Variants in GSTT4 observed in about 807,000 individuals in gnomAD.
GSTT4 encodes glutathione S-transferase theta-4.
At chr22:24,001,505 G>C (rs1310565151) in intron 2 of GSTT4, among the ~76,000 whole-genome samples, 180 bp from the exon 3 acceptor site, 1 of 152,404 alleles carries the variant, frequency 6.6e-6, no homozygotes, top group East Asian at 1.9e-4. Flanking sequence ...CTGGGAAGGA[G>C]CCCTGCGGGG....
chr22:24,002,228 T>C (rs1348281581), intron 2 of GSTT4, among the ~76,000 whole-genome samples: 1 of 152,224 alleles, frequency 6.6e-6, no homozygotes, highest in African/African-American at 2.4e-5. Context: ...AGGATCCATC[T>C]CTCTGGTGCT....
At chr22:24,003,560 T>C (rs2034283862) in intron 2 of GSTT4, among the ~76,000 whole-genome samples, 200 bp downstream of exon 2, 1 of 152,264 alleles carries the variant, frequency 6.6e-6, no homozygotes, top group South Asian at 2.1e-4. Flanking sequence ...GGAATAGAAA[T>C]GATGTAAACT....
intron 4 of GSTT4, among the ~76,000 whole-genome samples, 188 bp from the exon 5 acceptor site, chr22:23,998,927 C>A (rs1485344258): frequency 1.3e-5 from 2 of 152,260 alleles, no homozygotes; most frequent in Admixed American, 1.3e-4. Context: ...GATCCAGAAT[C>A]CCTCAGAGTC....
chr22:23,995,548 C>G, downstream of GSTT4, among the ~76,000 whole-genome samples: 1 of 152,160 alleles, frequency 6.6e-6, no homozygotes, highest in Non-Finnish European at 1.5e-5. Flanking sequence ...ACATTTCTTC[C>G]ATGGATTGTT....
the GSTT4 span, among the ~76,000 whole-genome samples, chr22:23,991,044 G>A: frequency 1.0e-5 from 1 of 95,568 alleles, no homozygotes; most frequent in Non-Finnish European, 2.5e-5. Flanking sequence ...CAGGCATGTC[G>A]GTGGGCACCT....
At chr22:24,000,728 A>G (rs117305386) in intron 3 of GSTT4, among the ~76,000 whole-genome samples, 2,723 of 126,204 alleles carry the variant, frequency 0.022, 38 homozygotes, top group East Asian at 0.089. Flanking sequence ...CCAGCTAATA[A>G]TTTTGTATTT....
intron 1 of GSTT4, chr22:24,004,400 C>T (rs955129150): frequency 6.5e-6 from 1 of 152,872 alleles, no homozygotes; most frequent in Non-Finnish European, 1.5e-5. Context: ...GCTCCACTCG[C>T]AGCCCGTTCA....
At chr22:24,002,057 A>G (rs1305836525) in intron 2 of GSTT4, among the ~76,000 whole-genome samples, 1 of 152,278 alleles carries the variant, frequency 6.6e-6, no homozygotes, top group Non-Finnish European at 1.5e-5. Context: ...AATCTGAAGA[A>G]AAGAGAGTAG....
At chr22:23,993,203 G>A in the GSTT4 span, among the ~76,000 whole-genome samples, 1 of 152,136 alleles carries the variant, frequency 6.6e-6, no homozygotes, top group Non-Finnish European at 1.5e-5. Context: ...TTCTAGTTGA[G>A]GTCTTCTTGT....
At chr22:24,002,438 A>G (rs987563865) in intron 2 of GSTT4, among the ~76,000 whole-genome samples, 42 of 152,274 alleles carry the variant, frequency 2.8e-4, no homozygotes, top group Non-Finnish European at 4.4e-4. Context: ...GGGCTCCTTT[A>G]TCATCACCAG....
chr22:23,999,898 C>T (rs1369575392), intron 4 of GSTT4, among the ~76,000 whole-genome samples, 177 bp downstream of exon 4: 7 of 152,210 alleles, frequency 4.6e-5, no homozygotes, highest in Non-Finnish European at 7.3e-5. Flanking sequence ...TCATAACATT[C>T]TGTGCTTCCT....
intron 2 of GSTT4, among the ~76,000 whole-genome samples, chr22:24,001,648 C>T (rs1020372616): frequency 6.6e-5 from 10 of 152,360 alleles, no homozygotes; most frequent in Admixed American, 3.3e-4. Flanking sequence ...GCCAAGATCA[C>T]ACCACTGCAC....
At chr22:23,989,741 C>G in the GSTT4 span, among the ~76,000 whole-genome samples, 1,649 of 150,744 alleles carry the variant, frequency 0.011, 51 homozygotes, top group African/African-American at 0.027. Flanking sequence ...TCCCTCCCCA[C>G]TGGGGGTTCC....
chr22:24,004,994 C>G (rs531525220), intron 1 of GSTT4: 2 of 151,882 alleles, frequency 1.3e-5, no homozygotes, highest in African/African-American at 4.8e-5. Context: ...CATGGTGAAA[C>G]CCCTGTTAAA....
downstream of GSTT4, among the ~76,000 whole-genome samples, chr22:23,995,130 T>G (rs2034103313): frequency 7.3e-6 from 1 of 137,416 alleles, no homozygotes. Flanking sequence ...AAGTTTTTTT[T>G]TTGTTTGTTT....
intron 2 of GSTT4, among the ~76,000 whole-genome samples, chr22:24,003,140 C>CTTTTTTTTTT (rs1032425765): frequency 2.1e-5 from 3 of 140,384 alleles, no homozygotes; most frequent in Non-Finnish European, 1.6e-5. Flanking sequence ...CAGCCTGTTG[C>CTTTTTTTTTT]TTTTTTTTTG....
chr22:24,002,667 A>G (rs957925046), intron 2 of GSTT4, among the ~76,000 whole-genome samples: 1 of 151,990 alleles, frequency 6.6e-6, no homozygotes, highest in African/African-American at 2.4e-5. Context: ...CGTCTCTACT[A>G]AAAATACAAA....
chr22:24,002,452 C>T (rs1219559114), intron 2 of GSTT4, among the ~76,000 whole-genome samples: 1 of 152,286 alleles, frequency 6.6e-6, no homozygotes, highest in Non-Finnish European at 1.5e-5. Context: ...TCACCAGCAG[C>T]AACCATGCCA....
downstream of GSTT4, among the ~76,000 whole-genome samples, chr22:23,996,428 AG>A: frequency 1.5e-5 from 1 of 67,382 alleles, no homozygotes; most frequent in African/African-American, 4.8e-5. Flanking sequence ...TCCTGATCTT[AG>A]GGGGGAAACG....
Sources: allele counts gnomAD v4.1 joint callset (sites outside exome capture counted in the v4.1 genomes callset), GRCh38; gene constraint gnomAD v4.1.1; transcripts MANE v1.5; gene names NCBI Gene and HGNC (gene_info 2026-07-23, HGNC 2026-07-21).